The following PRMT7 variants were observed in gnomAD, a reference collection of about 807,000 sequenced individuals.
PRMT7 encodes protein arginine N-methyltransferase 7.
PRMT7 carries 75 observed loss-of-function variants against 85.4 expected under a neutral mutation model. That is an observed-to-expected ratio of 0.88 (90% CI 0.73 to 1.06). The LOEUF (loss-of-function observed/expected upper bound fraction) is 1.06. PRMT7 is among the 50% of genes least tolerant of loss of function. PRMT7 has a pLI of 0.00. For missense variants in PRMT7, 868 were observed against 915.2 expected, an observed-to-expected ratio of 0.95 and a Z score of 0.67; for synonymous variants, 397 against 359.5, an observed-to-expected ratio of 1.10 and a Z score of -1.18.
At chr16:68,351,257 A>G (rs1348711557) in intron 14 of PRMT7, 2 of 152,070 alleles carry the variant, frequency 1.3e-5, no homozygotes, top group Non-Finnish European at 2.9e-5. Flanking sequence ...GACTGGCCCC[A>G]CTTTGGTGCC....
Position 68,353,513 on chromosome 16 carries a change from C to T in PRMT7, c.1597C>T (p.Pro533Ser). 1.2e-6 allele frequency: 2 copies of T among 1,607,210 alleles called. No homozygotes were observed. Among genetic ancestry groups the T allele is most frequent in the South Asian group, 1.1e-5 (1 of 89,714 alleles). The change falls in exon 16 of 19, where the codon CCC (proline) becomes TCC (serine). Residue 533 changes from proline (P) to serine (S), a missense_variant. Coordinates refer to ENST00000441236, the MANE Select transcript of PRMT7 (RefSeq NM_019023.5). ...ACAGGACCTGTGGCGGATCCGGAGC[C>T]CCTGTGGTGACTGCGAAGGCTTCGA... Reference protein sequence around the residue: ...EFRDLWRIRSPCGDCEGFDVH... With the variant: ...EFRDLWRIRSSCGDCEGFDVH...
Position 68,347,222 on chromosome 16 carries a change from A to C in PRMT7, c.1203A>C (p.Pro401=), listed in dbSNP as rs775619415. ...YVQALRTVLK[P]DSVCLCVSDG... is the part of the protein sequence containing the mutation. The stretch of plus-strand genomic sequence containing the variant: ...CCTGTTCCCCGCAGGTGCTGAAGCC[A>C]GACAGCGTGTGCCTGTGTGTCAGCG... Residue 401 remains proline (P), a synonymous_variant, in exon 12 of 19, where the codon CCA becomes CCC. Coordinates refer to ENST00000441236, the MANE Select transcript of PRMT7 (RefSeq NM_019023.5). 1.0e-5 allele frequency: 16 copies of C among 1,552,882 alleles called. No homozygotes were observed. The highest frequency in any genetic ancestry group is 1.3e-5 in the Non-Finnish European group (15 of 1,147,400).
At chr16:68,325,088 T>A (rs1326081076) in intron 5 of PRMT7, among the ~76,000 whole-genome samples, 1 of 152,252 alleles carries the variant, frequency 6.6e-6, no homozygotes, top group Non-Finnish European at 1.5e-5. Context: ...CTGGGCACAG[T>A]GGCTCACGCC....
chr16:68,320,070 C>T (rs2082318671), intron 3 of PRMT7, among the ~76,000 whole-genome samples: 1 of 152,126 alleles, frequency 6.6e-6, no homozygotes, highest in African/African-American at 2.4e-5. Context: ...CTTCTCTTTC[C>T]CCGGCTGCTC....
chr16:68,322,017 G>A (rs2082552423), intron 4 of PRMT7, among the ~76,000 whole-genome samples: 1 of 151,106 alleles, frequency 6.6e-6, no homozygotes, highest in African/African-American at 2.4e-5. Flanking sequence ...GCGAGATCTC[G>A]GCTCACTGCA....
intron 6 of PRMT7, among the ~76,000 whole-genome samples, chr16:68,337,080 GT>G (rs1169487101): frequency 6.6e-6 from 1 of 152,106 alleles, no homozygotes; most frequent in African/African-American, 2.4e-5. Flanking sequence ...TGGAAATGGG[GT>G]TTTGTCATGT....
chr16:68,351,134 T>C (rs2087261739), intron 14 of PRMT7, among the ~76,000 whole-genome samples: 1 of 151,964 alleles, frequency 6.6e-6, no homozygotes, highest in African/African-American at 2.4e-5. Context: ...TGAATTGGAG[T>C]GGTGGGAGCG....
At chr16:68,340,859 T>G (rs927539398) in intron 9 of PRMT7, among the ~76,000 whole-genome samples, 1 of 152,206 alleles carries the variant, frequency 6.6e-6, no homozygotes, top group Non-Finnish European at 1.5e-5. Context: ...AAGTCCATTA[T>G]CCTTTCAGTG....
At chr16:68,316,336 C>T (rs1472602410) in intron 3 of PRMT7, among the ~76,000 whole-genome samples, 1 of 152,136 alleles carries the variant, frequency 6.6e-6, no homozygotes, top group African/African-American at 2.4e-5. Context: ...AAAACCCAAG[C>T]CTCAGTAGTG....
intron 3 of PRMT7, 166 bp downstream of exon 3, chr16:68,316,240 A>T: frequency 1.7e-6 from 1 of 589,308 alleles, no homozygotes; most frequent in Non-Finnish European, 3.1e-6. Context: ...TATATGTAGC[A>T]GTTAGGCAAA....
In PRMT7 at chr16:68,315,948, T is replaced by C. The variant is rs2044689813; in HGVS notation, c.-32T>C. On this transcript the variant is annotated 5_prime_UTR_variant, in exon 3 of 19. Transcript: ENST00000441236. ...AGAACTCAACTGGCAAGGCTGCTTT[T>C]CTGTGCTAAAACTGGGGAGCTAGTG... 5.0e-6 allele frequency: 8 copies of C among 1,598,374 alleles called. No individual in the cohort carries two copies. Among genetic ancestry groups the C allele is most frequent in the Non-Finnish European group, 6.9e-6 (8 of 1,166,626 alleles).
intron 6 of PRMT7, among the ~76,000 whole-genome samples, chr16:68,332,795 G>A (rs2084088545): frequency 6.6e-6 from 1 of 152,188 alleles, no homozygotes; most frequent in African/African-American, 2.4e-5. Context: ...CTGTGGTCTG[G>A]AAAGGGTCTC....
chr16:68,343,950 C>G (rs2151796293), intron 9 of PRMT7, among the ~76,000 whole-genome samples: 1 of 152,262 alleles, frequency 6.6e-6, no homozygotes, highest in South Asian at 2.1e-4. Context: ...GTCGTCTCAT[C>G]AGAGTTGAGC....
chr16:68,327,921 AC>A (rs10707423), intron 5 of PRMT7, among the ~76,000 whole-genome samples: 83,016 of 147,040 alleles, frequency 0.56, 23,745 homozygotes, highest in East Asian at 0.78. Flanking sequence ...ATAGAGTGAG[AC>A]CCTTCTCAAA....
rs140778026 is a variant in PRMT7 at position 68,313,476 on chromosome 16, A to G, written c.-84+1300A>G. On this transcript the variant is annotated intron_variant, in intron 2 of 18. Coordinates refer to ENST00000441236, the MANE Select transcript of PRMT7 (RefSeq NM_019023.5). ...TTTACTTCACTAAACTGATTGATAT[A>G]ATGTGCATGATTGTCTAAGCCTTTC... 1.6e-3 allele frequency among the ~76,000 whole-genome samples: 251 copies of G among 152,244 alleles called. 1 individual carries two copies. The highest frequency in any genetic ancestry group is 5.8e-3 in the African/African-American group (242 of 41,542).
chr16:68,350,126 T>C (rs987232483), intron 14 of PRMT7, among the ~76,000 whole-genome samples: 7 of 152,230 alleles, frequency 4.6e-5, no homozygotes, highest in Middle Eastern at 3.2e-3. Flanking sequence ...TTTCGTTCTT[T>C]TGAAGGCTGT....
chr16:68,322,021 C>T (rs1016362985), intron 4 of PRMT7, among the ~76,000 whole-genome samples: 1 of 151,598 alleles, frequency 6.6e-6, no homozygotes, highest in African/African-American at 2.4e-5. Flanking sequence ...GATCTCGGCT[C>T]ACTGCAGCCT....
At chr16:68,324,313 C>T (rs1479138478) in intron 4 of PRMT7, 3 of 216,282 alleles carry the variant, frequency 1.4e-5, no homozygotes, top group Non-Finnish European at 1.9e-5. Flanking sequence ...ACCGAGAGGA[C>T]CCTGATGAGA....
chr16:68,318,088 T>A (rs1183822003), intron 3 of PRMT7, among the ~76,000 whole-genome samples: 1 of 152,150 alleles, frequency 6.6e-6, no homozygotes, highest in Non-Finnish European at 1.5e-5. Context: ...AATATATACT[T>A]CAATATAGTA....
Sources: allele counts gnomAD v4.1 joint callset (sites outside exome capture counted in the v4.1 genomes callset), GRCh38; gene constraint gnomAD v4.1.1; transcripts MANE v1.5; gene names NCBI Gene and HGNC (gene_info 2026-07-23, HGNC 2026-07-21).